The following STK32B variants were observed in gnomAD, a reference collection of about 807,000 sequenced individuals.
The protein encoded by STK32B is serine/threonine kinase 32B.
STK32B carries 43 observed loss-of-function variants against 52.6 expected under a neutral mutation model. That is an observed-to-expected ratio of 0.82 (90% CI 0.64 to 1.05). The LOEUF (loss-of-function observed/expected upper bound fraction) is 1.05, where lower values mean the gene tolerates loss of function less well. STK32B is among the 50% of genes least tolerant of loss of function. The pLI is 0.00. For missense variants in STK32B, 621 were observed against 534.6 expected (o/e 1.16, Z -1.59); for synonymous variants, 238 against 204.3 (o/e 1.17, Z -1.41).
intron 4 of STK32B, among the ~76,000 whole-genome samples, chr4:5,384,886 G>A (rs1348168604): frequency 6.6e-6 from 1 of 152,156 alleles, no homozygotes; most frequent in African/African-American, 2.4e-5. Context: ...AGTGGCGGAG[G>A]CAGGTGGAGA....
intron 4 of STK32B, among the ~76,000 whole-genome samples, chr4:5,340,936 C>T (rs1258291720): frequency 6.6e-6 from 1 of 151,990 alleles, no homozygotes. Flanking sequence ...GTATAATGAC[C>T]CCATTTTGCA....
At chr4:5,413,781 G>C (rs143839689) in intron 5 of STK32B, among the ~76,000 whole-genome samples, 6 of 152,130 alleles carry the variant, frequency 3.9e-5, no homozygotes, top group Non-Finnish European at 8.8e-5. Flanking sequence ...CATGGGAAAC[G>C]GGCAGCCTCC....
chr4:5,102,485 C>CTTCCTTCT (rs1553824347), intron 1 of STK32B, among the ~76,000 whole-genome samples: 26 of 135,390 alleles, frequency 1.9e-4, no homozygotes, highest in African/African-American at 7.2e-4. Flanking sequence ...TCCTTCCTTC[C>CTTCCTTCT]TTCCTTCCCT....
At chr4:5,417,235 C>T (rs1213662124) in intron 6 of STK32B, among the ~76,000 whole-genome samples, 1 of 152,206 alleles carries the variant, frequency 6.6e-6, no homozygotes, top group African/African-American at 2.4e-5. Flanking sequence ...CATTTATGTT[C>T]AGTATTTTCC....
intron 3 of STK32B, among the ~76,000 whole-genome samples, chr4:5,228,543 A>T (rs1053254569): frequency 6.6e-6 from 1 of 152,086 alleles, no homozygotes; most frequent in Non-Finnish European, 1.5e-5. Context: ...TCTTTTATGG[A>T]TCTTGTTTTT....
chr4:5,252,094 C>T (rs906627785), intron 3 of STK32B, among the ~76,000 whole-genome samples: 2 of 152,146 alleles, frequency 1.3e-5, no homozygotes, highest in Non-Finnish European at 2.9e-5. Flanking sequence ...AGCAACAACC[C>T]CCCATCAGAT....
Position 5,433,450 on chromosome 4 carries a change from G to A in STK32B, c.563-13223G>A, listed in dbSNP as rs149962422. On this transcript the variant is annotated intron_variant, in intron 6 of 11. Coordinates refer to ENST00000282908, the MANE Select transcript of STK32B (RefSeq NM_018401.3). ...CAGATCTGGCCATCCTGCCAGCCAG[G>A]ATGTGGAAACTGGAGACATGGTCTT... is the stretch of plus-strand genomic sequence containing the variant. Among the ~76,000 whole-genome samples the A allele has an allele frequency of 8.5e-5, 13 of 152,286 alleles. No individual in the cohort carries two copies. The East Asian group carries it at 2.3e-3, about 27-fold the overall frequency.
intron 3 of STK32B, among the ~76,000 whole-genome samples, chr4:5,222,698 C>G (rs146414465): frequency 6.6e-6 from 1 of 152,168 alleles, no homozygotes; most frequent in Non-Finnish European, 1.5e-5. Flanking sequence ...CTGATAACTT[C>G]TCTTAATTGA....
intron 11 of STK32B, among the ~76,000 whole-genome samples, chr4:5,485,399 A>G (rs951030563): frequency 2.0e-5 from 3 of 151,802 alleles, no homozygotes; most frequent in Non-Finnish European, 4.4e-5. Flanking sequence ...AGGCTTGTGC[A>G]TTCGTCATGT....
intron 3 of STK32B, among the ~76,000 whole-genome samples, chr4:5,308,578 C>G: frequency 6.6e-6 from 1 of 152,136 alleles, no homozygotes; most frequent in Non-Finnish European, 1.5e-5. Context: ...TAGCGTCATT[C>G]ATTTAGTCAC....
intron 3 of STK32B, among the ~76,000 whole-genome samples, chr4:5,246,812 G>A (rs183413418): frequency 6.6e-6 from 1 of 152,298 alleles, no homozygotes; most frequent in Non-Finnish European, 1.5e-5. Context: ...TCCACTGCAG[G>A]TCTGTTGGAG....
At chr4:5,083,483 G>A (rs976682) in intron 1 of STK32B, among the ~76,000 whole-genome samples, 27,267 of 152,040 alleles carry the variant, frequency 0.18, 2,840 homozygotes, top group African/African-American at 0.29. Flanking sequence ...TTATAATTAC[G>A]TCTGCTTTGT....
In STK32B at chr4:5,058,207, T is replaced by G. The variant is rs552619963; in HGVS notation, c.52+6292T>G. ...CTTTCAGTGCGGGACATTATCCTGTTTCAACGTGGGAACATTATCACTGTT... is the reference window on the plus strand; with the variant it reads ...CTTTCAGTGCGGGACATTATCCTGTGTCAACGTGGGAACATTATCACTGTT... On this transcript the variant is annotated intron_variant, in intron 1 of 11. Transcript: ENST00000282908. The surrounding 1 kb of genome is among the most constrained non-coding windows in gnomAD (Gnocchi z 4.8). Among the ~76,000 whole-genome samples, 25 of 152,330 alleles carry G rather than the reference T, an allele frequency of 1.6e-4. No individual in the cohort carries two copies. Among genetic ancestry groups the G allele is most frequent in the Non-Finnish European group, 2.5e-4 (17 of 68,028 alleles).
chr4:5,189,406 G>A (rs1232022359), intron 3 of STK32B, among the ~76,000 whole-genome samples: 1 of 152,218 alleles, frequency 6.6e-6, no homozygotes, highest in African/African-American at 2.4e-5. Context: ...GAATCATACA[G>A]TGTGTAGACT....
intron 2 of STK32B, among the ~76,000 whole-genome samples, chr4:5,152,001 CAT>C (rs1260591888): frequency 6.6e-6 from 1 of 152,198 alleles, no homozygotes; most frequent in Admixed American, 6.5e-5. Flanking sequence ...TTCAGCCAGA[CAT>C]AGTGCCTGGT....
intron 3 of STK32B, among the ~76,000 whole-genome samples, chr4:5,252,967 C>T (rs907164990): frequency 6.6e-6 from 1 of 152,140 alleles, no homozygotes; most frequent in Non-Finnish European, 1.5e-5. Flanking sequence ...CTATTTGTCT[C>T]TTCTAATCCT....
Position 5,171,381 on chromosome 4 carries a change from C to G in STK32B, c.260+2931C>G, listed in dbSNP as rs538404533. On this transcript the variant is annotated intron_variant, in intron 3 of 11. Transcript: ENST00000282908. ...GGTGTTTTAGACATGAAGTCCTTGC[C>G]CATGCCTATGTCCTGAATGGTATTG... 9.3e-3 allele frequency among the ~76,000 whole-genome samples: 1,416 copies of G among 151,760 alleles called. 28 individuals carry two copies. Among genetic ancestry groups the G allele is most frequent in the East Asian group, 0.065 (333 of 5,130 alleles).
intron 6 of STK32B, among the ~76,000 whole-genome samples, chr4:5,437,494 G>C (rs924239441): frequency 6.6e-6 from 1 of 152,206 alleles, no homozygotes; most frequent in Non-Finnish European, 1.5e-5. Flanking sequence ...AAAGACATCA[G>C]TTGTTGGATT....
intron 3 of STK32B, among the ~76,000 whole-genome samples, chr4:5,210,928 TG>T (rs1485056880): frequency 6.6e-6 from 1 of 151,966 alleles, no homozygotes; most frequent in Non-Finnish European, 1.5e-5. Flanking sequence ...CATGAGTAGC[TG>T]GGACTACAGG....
Sources: gnomAD v4.1 joint callset for allele counts (sites outside exome capture counted in the v4.1 genomes callset) on GRCh38, gnomAD v4.1.1 for gene constraint, Gnocchi (gnomAD v3.1) non-coding constraint, MANE v1.5 for transcripts, NCBI Gene and HGNC (gene_info 2026-07-23, HGNC 2026-07-21) for gene names.